CTH: variants seen among roughly 807,000 people sequenced by gnomAD.
The protein encoded by CTH is cystathionase (cystathionine gamma-lyase).
Under a neutral mutation model 50.6 loss-of-function variants are expected in CTH, and 41 were observed. That is an observed-to-expected ratio of 0.81 (90% CI 0.63 to 1.05). The LOEUF is 1.05. CTH is among the 50% of genes least tolerant of loss of function. The pLI is 0.00. For missense variants in CTH, 470 were observed against 492.6 expected, an observed-to-expected ratio of 0.95 and a Z score of 0.43; for synonymous variants, 156 against 168.9, an observed-to-expected ratio of 0.92 and a Z score of 0.59.
At chr1:70,432,798 C>T (rs1177287043) in intron 8 of CTH, among the ~76,000 whole-genome samples, 2 of 151,322 alleles carry the variant, frequency 1.3e-5, no homozygotes, top group African/African-American at 4.9e-5. Flanking sequence ...ATTCTCTTGC[C>T]TCAGCCTCCC....
At chr1:70,419,710 T>G (rs1389653019) in intron 3 of CTH, among the ~76,000 whole-genome samples, 6 of 152,174 alleles carry the variant, frequency 3.9e-5, no homozygotes, top group Admixed American at 3.9e-4. Context: ...TAAAAAAAAT[T>G]TAAGAACTTC....
Position 70,430,355 on chromosome 1 carries a change from T to G in CTH, c.685T>G (p.Cys229Gly), listed in dbSNP as rs145785987. The change falls in exon 7 of 12, where the codon TGT becomes GGT. Residue 229 changes from cysteine (C) to glycine (G), a missense_variant. Cys to Gly is a radical substitution (Grantham distance 159, BLOSUM62 -3). Coordinates refer to ENST00000370938, the MANE Select transcript of CTH (RefSeq NM_001902.6). The part of the protein sequence containing the change: ...DVVMGLVSVN[C>G]ESLHNRLRFL... ...TGTAATGGGCCTGGTGTCTGTTAAT[T>G]GTGAAAGCCTTCATAATAGACTTCG... 7.5e-6 allele frequency: 12 copies of G among 1,603,696 alleles called. No homozygotes were observed. In the South Asian group the frequency reaches 1.3e-4, roughly 18 times the overall value.
chr1:70,435,472 G>A (rs79046067), intron 10 of CTH, among the ~76,000 whole-genome samples: 1,903 of 152,042 alleles, frequency 0.013, 42 homozygotes, highest in African/African-American at 0.044. Context: ...CTAAGCAAGG[G>A]CCACATGTTC....
intron 3 of CTH, among the ~76,000 whole-genome samples, chr1:70,419,922 T>C (rs1260303686): frequency 6.6e-6 from 1 of 152,000 alleles, no homozygotes; most frequent in African/African-American, 2.4e-5. Flanking sequence ...ATTTCCTATC[T>C]GAACAAAAAG....
rs763496212 is a variant in CTH, at chr1:70,421,608, TAA to T, written c.391_392del (p.Lys131AspfsTer5). 6 of 1,613,938 alleles carry T rather than the reference TAA, an allele frequency of 3.7e-6. No individual in the cohort carries two copies. The South Asian group carries it at 6.6e-5, about 18-fold the overall frequency. The stretch of plus-strand genomic sequence containing the variant: ...AGGCAAGTGGCATCTGAATTTGGAT[TAA>T]AGATTTCTTTTGTTGATTGTTCCAA... On this transcript the variant is annotated frameshift_variant, in exon 4 of 12. Transcript: ENST00000370938. LOFTEE classifies it high-confidence loss of function.
intron 5 of CTH, among the ~76,000 whole-genome samples, chr1:70,426,217 T>A (rs1190980545): frequency 6.6e-6 from 1 of 152,234 alleles, no homozygotes; most frequent in Non-Finnish European, 1.5e-5. Context: ...ATTAACTTGT[T>A]TCCTGCCTTT....
At chr1:70,416,079 T>G (rs753330519) in intron 2 of CTH, 42 bp downstream of exon 2, 1 of 1,154,818 alleles carries the variant, frequency 8.7e-7, no homozygotes, top group Non-Finnish European at 1.3e-6. Flanking sequence ...TATTTTTAAA[T>G]GTATAGAGAA....
intron 5 of CTH, among the ~76,000 whole-genome samples, chr1:70,424,809 G>A (rs892724813): frequency 5.3e-5 from 8 of 151,914 alleles, no homozygotes; most frequent in Non-Finnish European, 1.2e-4. Context: ...GGTGCCTGTA[G>A]TCCCAGCTAC....
At chr1:70,421,831 G>A (rs1030288826) in intron 4 of CTH, among the ~76,000 whole-genome samples, 156 bp downstream of exon 4, 2 of 152,166 alleles carry the variant, frequency 1.3e-5, no homozygotes, top group Admixed American at 6.5e-5. Flanking sequence ...CATCTCCGGG[G>A]TGTTATAGCA....
chr1:70,435,246 T>C (rs1684573678), intron 10 of CTH, 69 bp downstream of exon 10: 6 of 1,380,764 alleles, frequency 4.3e-6, no homozygotes, highest in Non-Finnish European at 5.1e-6. Context: ...GAAAGAAATA[T>C]GATAAGGTCA....
intron 10 of CTH, among the ~76,000 whole-genome samples, chr1:70,436,518 C>G (rs1557474967): frequency 6.6e-6 from 1 of 151,976 alleles, no homozygotes; most frequent in Non-Finnish European, 1.5e-5. Flanking sequence ...CGGTGTATTT[C>G]TGTGTCTTCA....
chr1:70,413,309 G>A (rs1401102163), intron 1 of CTH, among the ~76,000 whole-genome samples: 3 of 150,368 alleles, frequency 2.0e-5, no homozygotes, highest in Non-Finnish European at 4.4e-5. Context: ...TGTCACCCAG[G>A]CTGGAGTGCA....
chr1:70,437,180 ACT>A (rs1684615412), intron 10 of CTH, among the ~76,000 whole-genome samples: 1 of 152,098 alleles, frequency 6.6e-6, no homozygotes, highest in Admixed American at 6.6e-5. Flanking sequence ...TGTGGACAAC[ACT>A]CTACATAGCT....
rs374874636 is a variant in CTH, at chr1:70,432,184, G to A, written c.826G>A (p.Val276Ile). Reference sequence around the variant, plus strand: ...AAAGCATTTCAAAAACGGAATGGCAGTTGCCCAGTTCCTGGAATCTAATCC... The same window carrying A: ...AAAGCATTTCAAAAACGGAATGGCAATTGCCCAGTTCCTGGAATCTAATCC... Reference protein sequence around the residue: ...MEKHFKNGMAVAQFLESNPWV... With the variant: ...MEKHFKNGMAIAQFLESNPWV... Residue 276 changes from valine to isoleucine, a missense_variant, in exon 8 of 12, where the codon GTT becomes ATT. Physicochemically the swap from Val to Ile is conservative, Grantham distance 29. Transcript: ENST00000370938. 7.4e-6 allele frequency: 12 copies of A among 1,614,086 alleles called. No individual in the cohort carries two copies. The African/African-American group carries it at 1.6e-4, about 22-fold the overall frequency.
Position 70,417,966 on chromosome 1 carries a change from A to G in CTH, c.280A>G (p.Thr94Ala). The G allele has an allele frequency of 6.2e-7, 1 of 1,614,146 alleles. No homozygotes were observed. Residue 94 changes from threonine (T) to alanine (A), a missense_variant, in exon 3 of 12, where the codon ACT (threonine) becomes GCT (alanine). Coordinates refer to ENST00000370938, the MANE Select transcript of CTH (RefSeq NM_001902.6). Reference sequence around the variant, plus strand: ...GGCCTTTGCTTCAGGTTTAGCAGCCACTGTAACTATTACCCATCTTTTAAA... The same window carrying G: ...GGCCTTTGCTTCAGGTTTAGCAGCCGCTGTAACTATTACCCATCTTTTAAA... ...CLAFASGLAA[T>A]VTITHLLKAG...
chr1:70,428,456 T>A lies in CTH; in HGVS notation c.589-1338T>A, dbSNP rs575477164. 3.9e-4 allele frequency among the ~76,000 whole-genome samples: 60 copies of A among 152,308 alleles called. 1 individual carries two copies. In the South Asian group the frequency reaches 0.012, roughly 30 times the overall value. On this transcript the variant is annotated intron_variant, in intron 5 of 11. Transcript: ENST00000370938. Reference sequence around the variant, plus strand: ...GGCATGCTAATTACCCTGCTTTTGATCATTACACAATTACACATGTATTGA... The same window carrying A: ...GGCATGCTAATTACCCTGCTTTTGAACATTACACAATTACACATGTATTGA...
intron 8 of CTH, 133 bp downstream of exon 8, chr1:70,432,368 C>A: frequency 1.9e-6 from 2 of 1,078,292 alleles, no homozygotes; most frequent in South Asian, 1.4e-5. Flanking sequence ...TTGAGCACTG[C>A]CATGTGTCAG....
chr1:70,430,379 C>T lies in CTH; in HGVS notation c.709C>T (p.Arg237Cys), dbSNP rs139166171. The T allele has an allele frequency of 3.8e-5, 59 of 1,570,628 alleles. No homozygotes were observed. The African/African-American group carries it at 4.1e-4, about 11-fold the overall frequency. ...TTGTGAAAGCCTTCATAATAGACTT[C>T]GTTTCTTGCAAAACTGTAAGTATTA... Reference protein sequence around the residue: ...VNCESLHNRLRFLQNSLGAVP... With the variant: ...VNCESLHNRLCFLQNSLGAVP... Residue 237 changes from arginine (R) to cysteine (C), a missense_variant, in exon 7 of 12, where the codon CGT (arginine) becomes TGT (cysteine). By Grantham distance (180) the Arg-to-Cys change is radical (BLOSUM62 -3). Transcript: ENST00000370938.
intron 3 of CTH, among the ~76,000 whole-genome samples, chr1:70,418,618 A>C (rs535313129): frequency 6.6e-6 from 1 of 152,348 alleles, no homozygotes; most frequent in East Asian, 1.9e-4. Flanking sequence ...CAACTTGCAG[A>C]CATATTCTGC....
Sources: gnomAD v4.1 joint callset for allele counts (sites outside exome capture counted in the v4.1 genomes callset) on GRCh38, gnomAD v4.1.1 for gene constraint, MANE v1.5 for transcripts, NCBI Gene and HGNC (gene_info 2026-07-23, HGNC 2026-07-21) for gene names.